Variants in ARHGAP24 observed in about 807,000 individuals in gnomAD.
The protein encoded by ARHGAP24 is rho GTPase-activating protein 24.
Under a neutral mutation model 76.4 loss-of-function variants are expected in ARHGAP24, and 50 were observed. That is an observed-to-expected ratio of 0.65 (90% CI 0.52 to 0.83). The LOEUF is 0.83. ARHGAP24 is among the 40% of genes least tolerant of loss of function. ARHGAP24 has a pLI of 0.00. For synonymous variants in ARHGAP24, 345 were observed against 323.3 expected, an observed-to-expected ratio of 1.07 and a Z score of -0.72; for missense variants, 930 against 914.2, an observed-to-expected ratio of 1.02 and a Z score of -0.22.
At chr4:85,682,137 A>C (rs1260083521) in intron 2 of ARHGAP24, among the ~76,000 whole-genome samples, 4 of 152,186 alleles carry the variant, frequency 2.6e-5, no homozygotes, top group African/African-American at 9.6e-5. Flanking sequence ...GGAAGCATTG[A>C]CCAAGCTCAG....
At chr4:85,844,923 C>T (rs1730795118) in intron 3 of ARHGAP24, among the ~76,000 whole-genome samples, 1 of 152,130 alleles carries the variant, frequency 6.6e-6, no homozygotes, top group African/African-American at 2.4e-5. Context: ...AGGGTTGGAA[C>T]CAATAGCCAG....
intron 2 of ARHGAP24, among the ~76,000 whole-genome samples, chr4:85,657,883 T>C (rs1333386394): frequency 6.6e-6 from 1 of 152,186 alleles, no homozygotes; most frequent in Admixed American, 6.5e-5. Context: ...GCCTCCCGAA[T>C]AGCTGGGGCC....
chr4:85,512,590 G>T (rs1253095544), intron 1 of ARHGAP24, among the ~76,000 whole-genome samples: 1 of 152,174 alleles, frequency 6.6e-6, no homozygotes, highest in Middle Eastern at 3.2e-3. Flanking sequence ...CAGGTCTTTT[G>T]GGATTGTTTG....
In ARHGAP24 at chr4:85,669,937, C is replaced by T. The variant is rs111776480; in HGVS notation, c.181-51948C>T. Among the ~76,000 whole-genome samples the T allele has an allele frequency of 8.0e-3, 1,211 of 152,020 alleles. 16 individuals are homozygous for T. The highest frequency in any genetic ancestry group is 0.028 in the African/African-American group (1,157 of 41,442). On this transcript the variant is annotated intron_variant, in intron 2 of 9. Transcript: ENST00000395184. ...TGGGTAGGAACATGTGTCAACACCT[C>T]TTCTGGGGCTTTAGTGCAGGTCCCC... is the stretch of plus-strand genomic sequence containing the variant.
Position 85,580,136 on chromosome 4 carries a change from TG to T in ARHGAP24, c.180+9423del, listed in dbSNP as rs557805004. Among the ~76,000 whole-genome samples, 10 of 144,900 alleles carry T rather than the reference TG, an allele frequency of 6.9e-5. No individual in the cohort carries two copies. The South Asian group carries it at 7.2e-4, about 10-fold the overall frequency. Reference sequence around the variant, plus strand: ...CCTGTGTATGTGTTTGTGTGTGTGGTGGGGGGGGAGGGTGATGGAGAGAGAG... The same window carrying T: ...CCTGTGTATGTGTTTGTGTGTGTGGTGGGGGGGAGGGTGATGGAGAGAGAG... On this transcript the variant is annotated intron_variant, in intron 2 of 9. Transcript: ENST00000395184.
chr4:85,993,860 C>A (rs2148870021), intron 8 of ARHGAP24, among the ~76,000 whole-genome samples: 1 of 152,288 alleles, frequency 6.6e-6, no homozygotes, highest in Non-Finnish European at 1.5e-5. Context: ...TAAGTAAACA[C>A]TCTCCAGATT....
intron 3 of ARHGAP24, among the ~76,000 whole-genome samples, chr4:85,836,056 A>G (rs761789341): frequency 1.4e-4 from 22 of 152,204 alleles, no homozygotes; most frequent in Non-Finnish European, 2.8e-4. Context: ...ACAGCATGTC[A>G]TTATTGACAC....
intron 2 of ARHGAP24, among the ~76,000 whole-genome samples, chr4:85,580,361 C>T (rs2109971321): frequency 6.6e-6 from 1 of 152,240 alleles, no homozygotes; most frequent in South Asian, 2.1e-4. Flanking sequence ...CTGTTGATGA[C>T]CATCTCGACT....
intron 2 of ARHGAP24, among the ~76,000 whole-genome samples, chr4:85,667,345 G>A (rs888004130): frequency 3.3e-5 from 5 of 152,238 alleles, no homozygotes; most frequent in South Asian, 2.1e-4. Context: ...TTTTAAGCCC[G>A]TCGGAAAAGC....
chr4:85,828,058 T>C, intron 3 of ARHGAP24: 1 of 1,045,110 alleles, frequency 9.6e-7, no homozygotes, highest in Non-Finnish European at 1.3e-6. Context: ...TTGGGGATAT[T>C]TATATCACCA....
chr4:85,719,886 AAAAATGGTATAAAATTGC>A, intron 2 of ARHGAP24, among the ~76,000 whole-genome samples: 2 of 152,196 alleles, frequency 1.3e-5, no homozygotes, highest in Non-Finnish European at 2.9e-5. Flanking sequence ...AGACAATCTT[AAAAATGGTATAAAATTGC>A]CAGGGAAAGA....
At chr4:85,965,342 C>G (rs936015272) in intron 5 of ARHGAP24, among the ~76,000 whole-genome samples, 1 of 152,068 alleles carries the variant, frequency 6.6e-6, no homozygotes, top group Admixed American at 6.6e-5. Context: ...CCCCATGATT[C>G]GATCATCTCA....
At chr4:85,860,881 G>C (rs925471149) in intron 3 of ARHGAP24, among the ~76,000 whole-genome samples, 3 of 151,732 alleles carry the variant, frequency 2.0e-5, no homozygotes, top group Non-Finnish European at 4.4e-5. Context: ...GCTTTAAGAG[G>C]AATGCATTAT....
chr4:85,967,663 A>G (rs1477324635), intron 5 of ARHGAP24, among the ~76,000 whole-genome samples: 1 of 152,076 alleles, frequency 6.6e-6, no homozygotes, highest in Non-Finnish European at 1.5e-5. Context: ...CCTTTTTCCT[A>G]CCACTGGATA....
intron 2 of ARHGAP24, among the ~76,000 whole-genome samples, chr4:85,699,541 G>T (rs1389551279): frequency 6.6e-6 from 1 of 152,104 alleles, no homozygotes; most frequent in East Asian, 1.9e-4. Context: ...GGTTGAGGCT[G>T]CAGTGAGCTA....
chr4:85,699,207 A>G (rs1171930053), intron 2 of ARHGAP24, among the ~76,000 whole-genome samples: 1 of 152,216 alleles, frequency 6.6e-6, no homozygotes, highest in Non-Finnish European at 1.5e-5. Context: ...ATCAGAGACT[A>G]CAGCAGTATA....
intron 1 of ARHGAP24, among the ~76,000 whole-genome samples, chr4:85,515,303 G>T (rs796325179): frequency 1.3e-4 from 19 of 151,198 alleles, no homozygotes; most frequent in African/African-American, 4.1e-4. Context: ...TGTATAAAAG[G>T]GTATATGCAA....
chr4:85,898,033 GTA>G (rs61576453), intron 3 of ARHGAP24, among the ~76,000 whole-genome samples: 5,389 of 134,516 alleles, frequency 0.04, 190 homozygotes, highest in African/African-American at 0.098. Context: ...ACATATATGT[GTA>G]TATATATATA....
intron 1 of ARHGAP24, among the ~76,000 whole-genome samples, chr4:85,480,631 A>C (rs1276963223): frequency 6.6e-6 from 1 of 152,122 alleles, no homozygotes; most frequent in Non-Finnish European, 1.5e-5. Context: ...TGGAACCAAT[A>C]ATTGTTTTCT....
Sources: allele counts gnomAD v4.1 joint callset (sites outside exome capture counted in the v4.1 genomes callset), GRCh38; gene constraint gnomAD v4.1.1; transcripts MANE v1.5; gene names NCBI Gene and HGNC (gene_info 2026-07-23, HGNC 2026-07-21).